The following C10orf143 variants were observed in gnomAD, a reference collection of about 807,000 sequenced individuals.
The protein encoded by C10orf143 is chromosome 10 open reading frame 143.
At chr10:130,075,373 T>G (rs1474496155) in intron 3 of C10orf143, among the ~76,000 whole-genome samples, 1 of 152,156 alleles carries the variant, frequency 6.6e-6, no homozygotes, top group Non-Finnish European at 1.5e-5. Context: ...CTGCCAGCAC[T>G]CTGGAGTGCC....
intron 3 of C10orf143, among the ~76,000 whole-genome samples, chr10:130,079,162 A>C (rs1163990162): frequency 6.6e-6 from 1 of 152,226 alleles, no homozygotes; most frequent in Admixed American, 6.5e-5. Context: ...GATTTATGTG[A>C]AGTTTATGAT....
intron 1 of C10orf143, among the ~76,000 whole-genome samples, chr10:130,092,597 C>A (rs181970266): frequency 5.9e-4 from 89 of 152,118 alleles, no homozygotes; most frequent in Non-Finnish European, 2.5e-4. Flanking sequence ...GGGATAAATG[C>A]CCCCAATTAA....
intron 3 of C10orf143, among the ~76,000 whole-genome samples, chr10:130,055,709 G>A (rs1860786510): frequency 1.3e-5 from 2 of 152,098 alleles, no homozygotes; most frequent in Admixed American, 1.3e-4. Context: ...ACTTTAGGAG[G>A]CCGAGGCAGG....
At chr10:130,088,521 T>G (rs1861329512) in intron 1 of C10orf143, among the ~76,000 whole-genome samples, 2 of 152,244 alleles carry the variant, frequency 1.3e-5, no homozygotes, top group African/African-American at 4.8e-5. Flanking sequence ...AGAATTTTTA[T>G]TGACTAATGG....
At chr10:130,069,590 T>C (rs1471978380) in intron 3 of C10orf143, among the ~76,000 whole-genome samples, 1 of 149,236 alleles carries the variant, frequency 6.7e-6, no homozygotes, top group Non-Finnish European at 1.5e-5. Context: ...TTAGTTCTAC[T>C]AGTCTATCTG....
At chr10:130,086,307 T>A (rs1250971033) in intron 1 of C10orf143, among the ~76,000 whole-genome samples, 1 of 152,214 alleles carries the variant, frequency 6.6e-6, no homozygotes, top group Non-Finnish European at 1.5e-5. Flanking sequence ...GTCTTTGTCT[T>A]CCTCTTTTTC....
In C10orf143 at chr10:130,108,108, G is replaced by A. The variant is rs148295449; in HGVS notation, c.69+2596C>T. 324 of 1,537,936 alleles carry A rather than the reference G, an allele frequency of 2.1e-4. 1 individual carries two copies. Among genetic ancestry groups the A allele is most frequent in the African/African-American group, 6.8e-5 (5 of 73,554 alleles). ...GCTGAAAATGCAGCAACTGGCCCTCGCTTTGTTCCTCCACCTCTTGCCCTA... is the reference window on the plus strand; with the variant it reads ...GCTGAAAATGCAGCAACTGGCCCTCACTTTGTTCCTCCACCTCTTGCCCTA... On this transcript the variant is annotated intron_variant, in intron 1 of 3. Transcript: ENST00000637128.
intron 1 of C10orf143, chr10:130,108,243 T>A (rs185909231): frequency 1.3e-6 from 2 of 1,554,506 alleles, no homozygotes; most frequent in Non-Finnish European, 1.8e-6. Context: ...CGAGATTATT[T>A]TCCACCAGGG....
intron 3 of C10orf143, among the ~76,000 whole-genome samples, chr10:130,044,032 A>G (rs1241582316): frequency 6.6e-6 from 1 of 151,794 alleles, no homozygotes; most frequent in African/African-American, 2.4e-5. Context: ...AGAGAGAGGG[A>G]GAGGGAGGAA....
intron 1 of C10orf143, among the ~76,000 whole-genome samples, chr10:130,080,755 T>C (rs1193934754): frequency 6.6e-6 from 1 of 152,250 alleles, no homozygotes; most frequent in Non-Finnish European, 1.5e-5. Context: ...ATGTGTTTAT[T>C]ATCCATACTA....
intron 3 of C10orf143, among the ~76,000 whole-genome samples, chr10:130,053,995 G>A (rs1860769027): frequency 6.6e-6 from 1 of 152,200 alleles, no homozygotes. Flanking sequence ...TGGGTCATGG[G>A]CCAGTATGCT....
At chr10:130,087,692 T>C (rs1375900603) in intron 1 of C10orf143, among the ~76,000 whole-genome samples, 2 of 152,144 alleles carry the variant, frequency 1.3e-5, no homozygotes, top group Non-Finnish European at 2.9e-5. Flanking sequence ...ACCTAACAGT[T>C]TGCCAGAGAT....
At chr10:130,050,103 T>G (rs1461027078) in intron 3 of C10orf143, among the ~76,000 whole-genome samples, 1 of 152,122 alleles carries the variant, frequency 6.6e-6, no homozygotes, top group Non-Finnish European at 1.5e-5. Context: ...CGGGGCAGGA[T>G]TCAAAAACAG....
intron 3 of C10orf143, among the ~76,000 whole-genome samples, chr10:130,036,535 G>C (rs1397653064): frequency 6.6e-6 from 1 of 152,166 alleles, no homozygotes; most frequent in Non-Finnish European, 1.5e-5. Flanking sequence ...CCTGGGCTGG[G>C]CCATTTCTCC....
intron 3 of C10orf143, among the ~76,000 whole-genome samples, chr10:130,045,489 C>T (rs926137304): frequency 6.6e-6 from 1 of 152,248 alleles, no homozygotes; most frequent in Non-Finnish European, 1.5e-5. Context: ...CGCCCCGCCC[C>T]GCAGCACTGC....
chr10:130,052,761 T>TG (rs1860751127), intron 3 of C10orf143, among the ~76,000 whole-genome samples: 1 of 152,264 alleles, frequency 6.6e-6, no homozygotes, highest in African/African-American at 2.4e-5. Flanking sequence ...TAATCAGCGT[T>TG]ACTCTTTCAT....
intron 1 of C10orf143, chr10:130,104,804 C>G (rs1861613465): frequency 6.6e-6 from 1 of 152,216 alleles, no homozygotes; most frequent in Non-Finnish European, 1.5e-5. Context: ...ATTAAACCTT[C>G]CCTGTTCGCT....
At chr10:130,095,890 C>T (rs1212580802) in intron 1 of C10orf143, among the ~76,000 whole-genome samples, 3 of 152,150 alleles carry the variant, frequency 2.0e-5, no homozygotes, top group Non-Finnish European at 2.9e-5. Context: ...TGGACAAAGA[C>T]TTCATGACTA....
At chr10:130,110,598 G>C in intron 1 of C10orf143, 106 bp downstream of exon 1, 1 of 397,994 alleles carries the variant, frequency 2.5e-6, no homozygotes, top group Non-Finnish European at 4.4e-6. Context: ...TCTTGGGCCA[G>C]GCCTCCTCAC....
Sources: allele counts gnomAD v4.1 joint callset (sites outside exome capture counted in the v4.1 genomes callset), GRCh38; gene constraint gnomAD v4.1.1; transcripts MANE v1.5; gene names NCBI Gene and HGNC (gene_info 2026-07-23, HGNC 2026-07-21).